The following SLC30A4 variants were observed in gnomAD, a reference collection of about 807,000 sequenced individuals.
SLC30A4 encodes solute carrier family 30 member 4.
SLC30A4 carries 20 observed loss-of-function variants against 41.7 expected under a neutral mutation model. That is an observed-to-expected ratio of 0.48 (90% CI 0.34 to 0.70). The LOEUF is 0.70. SLC30A4 is among the 30% of genes least tolerant of loss of function. The pLI is 0.01. For synonymous variants in SLC30A4, 181 were observed against 195.9 expected (o/e 0.92, Z 0.64); for missense variants, 441 against 529.3 (o/e 0.83, Z 1.64).
At chr15:45,503,887 G>C (rs1006063574) in intron 3 of SLC30A4, among the ~76,000 whole-genome samples, 1 of 150,312 alleles carries the variant, frequency 6.7e-6, no homozygotes, top group Non-Finnish European at 1.5e-5. Flanking sequence ...CAGAGGTTGC[G>C]GTGAGCTGAG....
Position 45,490,872 on chromosome 15 carries a change from G to A in SLC30A4, c.548C>T (p.Ser183Leu), listed in dbSNP as rs1020857227. 2 of 1,574,186 alleles carry A rather than the reference G, an allele frequency of 1.3e-6. No individual in the cohort carries two copies. Among genetic ancestry groups the A allele is most frequent in the Non-Finnish European group, 1.7e-6 (2 of 1,160,132 alleles). Residue 183 changes from serine (S) to leucine (L), a missense_variant, in exon 4 of 8, where the codon TCA becomes TTA. This residue lies in a region of SLC30A4 where 312 missense variants were observed against 341.9 expected (regional missense o/e 0.91). Coordinates refer to ENST00000261867, the MANE Select transcript of SLC30A4 (RefSeq NM_013309.6). ...TFGFHRLEVLSAMISVLLVYI... is the reference protein window; with the variant it reads ...TFGFHRLEVLLAMISVLLVYI... ...CACCAACAGCACACTAATCATAGCT[G>A]ACAAAACCTCTAGAGGGAAAAACAC...
At chr15:45,517,955 A>T (rs1892541281) in intron 2 of SLC30A4, among the ~76,000 whole-genome samples, 2 of 152,176 alleles carry the variant, frequency 1.3e-5, no homozygotes, top group Admixed American at 6.5e-5. Context: ...CTCAAAATAA[A>T]AACAAAAACA....
chr15:45,511,143 C>T lies in SLC30A4; in HGVS notation c.533G>A (p.Arg178His), dbSNP rs1449087992. ...AAGAAACACCAACTACCTACCTAAG[C>T]GATGAAATCCAAAGGTGAATCTTTT... is the stretch of plus-strand genomic sequence containing the variant. ...PTKRFTFGFH[R>H]LEVLSAMISV... Residue 178 changes from arginine to histidine, a missense_variant, in exon 3 of 8, where the codon CGC becomes CAC. Physicochemically the swap from Arg to His is conservative, Grantham distance 29 (BLOSUM62 0). Around this residue, in one of 3 missense-constraint regions of SLC30A4, gnomAD observed 312 missense variants for 341.9 expected, o/e 0.91. Transcript: ENST00000261867. 3 of 1,612,388 alleles carry T rather than the reference C, an allele frequency of 1.9e-6. No individual in the cohort carries two copies. The highest frequency in any genetic ancestry group is 8.5e-7 in the Non-Finnish European group (1 of 1,179,168).
chr15:45,521,890 A>G, intron 2 of SLC30A4, 74 bp downstream of exon 2: 3 of 1,467,310 alleles, frequency 2.0e-6, no homozygotes, highest in Non-Finnish European at 1.9e-6. Context: ...TAAACCTCAA[A>G]GCCTGTGTAA....
At chr15:45,487,954 GAAA>G (rs1355773986) in intron 5 of SLC30A4, among the ~76,000 whole-genome samples, 7 of 115,648 alleles carry the variant, frequency 6.1e-5, no homozygotes, top group Non-Finnish European at 8.9e-5. Flanking sequence ...GTCAAAGCTG[GAAA>G]AAAGTGTGTG....
rs773429452 is a variant in SLC30A4, at chr15:45,489,031, A to G, written c.704T>C (p.Leu235Pro). Residue 235 changes from leucine to proline, a missense_variant, in exon 5 of 8, where the codon CTG becomes CCG. By Grantham distance (98) the Leu-to-Pro change is moderately conservative (BLOSUM62 -3). This residue lies in a region of SLC30A4 where 312 missense variants were observed against 341.9 expected (regional missense o/e 0.91). Transcript: ENST00000261867. ...GVAVNVIMGF[L>P]LNQSGHRHSH... ...GTGACGGTGACCAGACTGGTTCAAC[A>G]GAAACCCCATTCTGTTAAAAATAAA... 2 of 1,608,856 alleles carry G rather than the reference A, an allele frequency of 1.2e-6. No homozygotes were observed. The highest frequency in any genetic ancestry group is 3.4e-5 in the Admixed American group (2 of 58,908).
At chr15:45,505,052 G>A (rs1264934371) in intron 3 of SLC30A4, among the ~76,000 whole-genome samples, 3 of 152,114 alleles carry the variant, frequency 2.0e-5, no homozygotes, top group East Asian at 3.9e-4. Flanking sequence ...CCAACGTGGT[G>A]AAACCCCATC....
chr15:45,487,502 T>G, intron 6 of SLC30A4, 25 bp downstream of exon 6: 1 of 1,094,566 alleles, frequency 9.1e-7, no homozygotes, highest in Non-Finnish European at 1.4e-6. Flanking sequence ...AATAAACTCA[T>G]AATGAGGATA....
chr15:45,510,854 G>T (rs1892272036), intron 3 of SLC30A4, among the ~76,000 whole-genome samples: 1 of 152,128 alleles, frequency 6.6e-6, no homozygotes, highest in Non-Finnish European at 1.5e-5. Flanking sequence ...GTTTTGCTTT[G>T]TTCAATAAAC....
chr15:45,500,639 T>C (rs1474859212), intron 3 of SLC30A4, among the ~76,000 whole-genome samples: 1 of 129,974 alleles, frequency 7.7e-6, no homozygotes, highest in East Asian at 2.0e-4. Context: ...TATCTATCTA[T>C]CTATCTATCT....
Position 45,507,731 on chromosome 15 carries a change from G to A in SLC30A4, c.538+3407C>T, listed in dbSNP as rs375245506. ...TCAAACTCCTGGCTTCAAGTGATCC[G>A]CCCACCTTGGCCTCCCAAAGTGATA... On this transcript the variant is annotated intron_variant, in intron 3 of 7. Transcript: ENST00000261867. Among the ~76,000 whole-genome samples the A allele has an allele frequency of 1.4e-3, 205 of 151,768 alleles. 5 individuals are homozygous for A. In the South Asian group the frequency reaches 0.016, roughly 12 times the overall value.
intron 2 of SLC30A4, chr15:45,520,850 C>A: frequency 2.9e-6 from 1 of 341,820 alleles, no homozygotes; most frequent in East Asian, 8.1e-5. Context: ...AAATGAGTCA[C>A]AATGTGAAGT....
At chr15:45,515,678 T>A (rs904738298) in intron 2 of SLC30A4, 7 of 151,270 alleles carry the variant, frequency 4.6e-5, no homozygotes, top group African/African-American at 1.7e-4. Context: ...AATAAATAAA[T>A]AATAAATAAT....
intron 2 of SLC30A4, chr15:45,513,796 T>A (rs1021977621): frequency 4.6e-5 from 7 of 152,180 alleles, no homozygotes; most frequent in African/African-American, 1.7e-4. Flanking sequence ...TCTCCTTCAA[T>A]GCCCCATTCC....
chr15:45,488,949 A>T lies in SLC30A4; in HGVS notation c.786T>A (p.Arg262=), dbSNP rs762180388. Residue 262 remains arginine, a synonymous_variant, in exon 5 of 8, where the codon CGT becomes CGA. Coordinates refer to ENST00000261867, the MANE Select transcript of SLC30A4 (RefSeq NM_013309.6). Reference sequence around the variant, plus strand: ...CTGCCAGGCTATCCTGCCCATGGTTACGTTCACACCCAGAACCTCTGGTAG... The same window carrying T: ...CTGCCAGGCTATCCTGCCCATGGTTTCGTTCACACCCAGAACCTCTGGTAG... ...NSPTRGSGCE[R]NHGQDSLAVR... is the part of the protein sequence containing the mutation. 6.2e-7 allele frequency: 1 copy of T among 1,614,156 alleles called. No homozygotes were observed. The highest frequency in any genetic ancestry group is 8.5e-7 in the Non-Finnish European group (1 of 1,179,982).
chr15:45,520,261 TATTA>T (rs919239583), intron 2 of SLC30A4, among the ~76,000 whole-genome samples: 5 of 151,674 alleles, frequency 3.3e-5, no homozygotes, highest in Non-Finnish European at 5.9e-5. Flanking sequence ...TTTATTTATT[TATTA>T]TTTTATTTAC....
At position 45,485,086 on chromosome 15, in the gene SLC30A4, C is replaced by T. The variant is rs1390327466; in HGVS notation, c.*77G>A. On this transcript the variant is annotated 3_prime_UTR_variant, in exon 8 of 8. Transcript: ENST00000261867. ...ACAGCTGTCAGGGATTCCATTTTCT[C>T]ATTTAGGTTTGCATTTATTGCTCTC... 4.3e-6 allele frequency: 5 copies of T among 1,173,174 alleles called. No homozygotes were observed. Among genetic ancestry groups the T allele is most frequent in the Middle Eastern group, 1.9e-4 (1 of 5,144 alleles). 72.7% of individuals were successfully genotyped at this position (1,173,174 alleles called of 1,614,324 possible). A position where few individuals can be genotyped will look rare whatever the true frequency, so the allele number is the denominator to read the frequency against.
chr15:45,505,017 G>A (rs928666990), intron 3 of SLC30A4, among the ~76,000 whole-genome samples: 2 of 151,994 alleles, frequency 1.3e-5, no homozygotes, highest in Admixed American at 1.3e-4. Context: ...GATCACATGA[G>A]GTCGGGAGTT....
chr15:45,493,548 C>T (rs1891850397), intron 3 of SLC30A4, among the ~76,000 whole-genome samples: 1 of 152,176 alleles, frequency 6.6e-6, no homozygotes, highest in African/African-American at 2.4e-5. Flanking sequence ...ATAAAAACCG[C>T]TGGGCATGGT....
Sources: gnomAD v4.1 joint callset for allele counts (sites outside exome capture counted in the v4.1 genomes callset) on GRCh38, gnomAD v4.1.1 for gene constraint, gnomAD v4.1.1 regional missense constraint, MANE v1.5 for transcripts, NCBI Gene and HGNC (gene_info 2026-07-23, HGNC 2026-07-21) for gene names.